The following BRINP3 variants were observed in gnomAD, a reference collection of about 807,000 sequenced individuals.
BRINP3 encodes BMP/retinoic acid-inducible neural-specific protein 3.
A neutral mutation model predicts 71.0 loss-of-function variants in BRINP3; 19 were observed. The observed-to-expected ratio is 0.27, with a 90% CI of 0.19 to 0.39. BRINP3 has a LOEUF of 0.39. Among genes scored for constraint, BRINP3 ranks in the 10% least tolerant of loss-of-function variants. The probability of loss-of-function intolerance (pLI) is 1.00; values close to 1 mark genes in which losing one functional copy is unlikely to be tolerated. For synonymous variants in BRINP3, 380 were observed against 337.7 expected (o/e 1.13, Z -1.37); for missense variants, 959 against 940.8 (o/e 1.02, Z -0.25).
At chr1:190,126,844 C>T (rs1654125881) in intron 7 of BRINP3, among the ~76,000 whole-genome samples, 1 of 151,800 alleles carries the variant, frequency 6.6e-6, no homozygotes. Context: ...ATGTACATTA[C>T]ATAGGAGAAA....
chr1:190,387,693 T>C (rs1419158709), intron 2 of BRINP3, among the ~76,000 whole-genome samples: 1 of 151,866 alleles, frequency 6.6e-6, no homozygotes, highest in Non-Finnish European at 1.5e-5. Context: ...CTTGCTCATT[T>C]GTTTTCTAAG....
At chr1:190,401,109 C>A (rs868079004) in intron 2 of BRINP3, among the ~76,000 whole-genome samples, 2 of 152,114 alleles carry the variant, frequency 1.3e-5, no homozygotes, top group Non-Finnish European at 2.9e-5. Context: ...GTAATCCCAG[C>A]ACTTTGTGGG....
chr1:190,111,037 G>T (rs1000040482), intron 7 of BRINP3, among the ~76,000 whole-genome samples: 11 of 151,686 alleles, frequency 7.3e-5, no homozygotes, highest in African/African-American at 2.7e-4. Flanking sequence ...AATTAGCCGG[G>T]CGTGGTGTTG....
At chr1:190,190,283 C>A (rs1389017782) in intron 6 of BRINP3, among the ~76,000 whole-genome samples, 1 of 152,118 alleles carries the variant, frequency 6.6e-6, no homozygotes, top group Non-Finnish European at 1.5e-5. Flanking sequence ...ATGCTCATTT[C>A]CCTTCTCTTT....
At chr1:190,453,201 GTATTTTTTTTT>G (rs1675742335) in intron 2 of BRINP3, among the ~76,000 whole-genome samples, 10 of 37,886 alleles carry the variant, frequency 2.6e-4, no homozygotes, top group African/African-American at 7.0e-4. Flanking sequence ...AAAAACTTTA[GTATTTTTTTTT>G]TTTTTTTTTT....
At chr1:190,420,354 A>C (rs992995342) in intron 2 of BRINP3, among the ~76,000 whole-genome samples, 1 of 152,032 alleles carries the variant, frequency 6.6e-6, no homozygotes, top group East Asian at 1.9e-4. Context: ...GGAAGAATGC[A>C]ATAACTGATT....
intron 4 of BRINP3, among the ~76,000 whole-genome samples, chr1:190,264,390 A>G (rs1405031440): frequency 6.6e-6 from 1 of 152,166 alleles, no homozygotes; most frequent in Non-Finnish European, 1.5e-5. Context: ...ACATCTTAAC[A>G]TATCTTAAAA....
intron 6 of BRINP3, among the ~76,000 whole-genome samples, chr1:190,172,716 AG>A (rs1652128687): frequency 6.6e-6 from 1 of 152,184 alleles, no homozygotes; most frequent in African/African-American, 2.4e-5. Flanking sequence ...GGGACGTGGA[AG>A]GCTGACAGGA....
At chr1:190,364,161 C>T (rs920069540) in intron 2 of BRINP3, among the ~76,000 whole-genome samples, 1 of 151,954 alleles carries the variant, frequency 6.6e-6, no homozygotes, top group Admixed American at 6.6e-5. Flanking sequence ...AAAGTAATCC[C>T]CTTCCCACCC....
chr1:190,373,909 T>G (rs1425883576), intron 2 of BRINP3, among the ~76,000 whole-genome samples: 1 of 148,380 alleles, frequency 6.7e-6, no homozygotes, highest in Non-Finnish European at 1.5e-5. Flanking sequence ...TGTCTATATT[T>G]GTATGAGCAG....
chr1:190,141,847 C>A (rs1401313310), intron 7 of BRINP3, among the ~76,000 whole-genome samples: 1 of 151,774 alleles, frequency 6.6e-6, no homozygotes, highest in African/African-American at 2.4e-5. Context: ...TGTGAGCCAC[C>A]ACGCCTAGCC....
At chr1:190,167,800 C>A (rs1281049038) in intron 6 of BRINP3, among the ~76,000 whole-genome samples, 1 of 152,076 alleles carries the variant, frequency 6.6e-6, no homozygotes, top group Non-Finnish European at 1.5e-5. Context: ...GCCCATTATG[C>A]CCCAGGGGAG....
intron 6 of BRINP3, among the ~76,000 whole-genome samples, chr1:190,207,309 C>A (rs976912275): frequency 2.6e-5 from 4 of 151,996 alleles, no homozygotes; most frequent in Non-Finnish European, 4.4e-5. Flanking sequence ...ATAGCCAGTG[C>A]GACAAATTTG....
At chr1:190,341,412 C>T (rs1456297610) in intron 2 of BRINP3, among the ~76,000 whole-genome samples, 2 of 151,636 alleles carry the variant, frequency 1.3e-5, no homozygotes, top group African/African-American at 4.8e-5. Flanking sequence ...TTTATTTGCA[C>T]AAGAGCTTTA....
intron 2 of BRINP3, among the ~76,000 whole-genome samples, chr1:190,446,318 C>T (rs538181106): frequency 2.5e-4 from 38 of 152,072 alleles, no homozygotes; most frequent in African/African-American, 6.7e-4. Flanking sequence ...ACCTAGAATA[C>T]TCCTCTTAAT....
At chr1:190,445,702 A>G (rs1397267428) in intron 2 of BRINP3, among the ~76,000 whole-genome samples, 2 of 152,184 alleles carry the variant, frequency 1.3e-5, no homozygotes, top group East Asian at 3.9e-4. Context: ...AAAAATACAT[A>G]TTAGCAATTC....
At chr1:190,319,585 T>C (rs1346874017) in intron 2 of BRINP3, among the ~76,000 whole-genome samples, 2 of 152,024 alleles carry the variant, frequency 1.3e-5, no homozygotes, top group Non-Finnish European at 2.9e-5. Flanking sequence ...TCAAAAAGCT[T>C]CAAATCATGG....
intron 6 of BRINP3, among the ~76,000 whole-genome samples, chr1:190,167,970 G>A (rs1651702030): frequency 6.6e-6 from 1 of 152,146 alleles, no homozygotes; most frequent in African/African-American, 2.4e-5. Flanking sequence ...GGACATCAGA[G>A]TGAAAATCGG....
chr1:190,138,542 T>C (rs902257900), intron 7 of BRINP3, among the ~76,000 whole-genome samples: 3 of 152,138 alleles, frequency 2.0e-5, no homozygotes, highest in Admixed American at 2.0e-4. Flanking sequence ...AGAGCTCAGA[T>C]GTTAGTTTTT....
Sources: allele counts gnomAD v4.1 joint callset (sites outside exome capture counted in the v4.1 genomes callset), GRCh38; gene constraint gnomAD v4.1.1; transcripts MANE v1.5; gene names NCBI Gene and HGNC (gene_info 2026-07-23, HGNC 2026-07-21).